The following IARS2 variants were observed in gnomAD, a reference collection of about 807,000 sequenced individuals.
IARS2 encodes isoleucyl-tRNA synthetase 2, mitochondrial, also known as isoleucine--tRNA ligase, mitochondrial.
A neutral mutation model predicts 126.3 loss-of-function variants in IARS2; 56 were observed. That is an observed-to-expected ratio of 0.44 (90% confidence interval 0.36 to 0.55). IARS2 has a LOEUF of 0.55. IARS2 is among the 20% of genes least tolerant of loss of function. The pLI, the probability that IARS2 is intolerant of heterozygous loss-of-function variation, is 0.00. For synonymous variants in IARS2, 407 were observed against 441.1 expected (o/e 0.92, Z 0.97); for missense variants, 1,127 against 1,245.9 (o/e 0.90, Z 1.44).
At position 220,098,162 on chromosome 1, in the gene IARS2, C is replaced by T. The variant is rs543232408; in HGVS notation, c.390+1936C>T. Among the ~76,000 whole-genome samples, 7 of 152,342 alleles carry T rather than the reference C, an allele frequency of 4.6e-5. No homozygotes were observed. In the South Asian group the frequency reaches 1.4e-3, roughly 32 times the overall value. On this transcript the variant is annotated intron_variant, in intron 2 of 22. Coordinates refer to ENST00000366922, the MANE Select transcript of IARS2 (RefSeq NM_018060.4). ...TCGGCCTCCCAAAGTGCTGGGATTA[C>T]AGGCGTGAGCCACTGCACCCGGCCA...
intron 14 of IARS2, among the ~76,000 whole-genome samples, chr1:220,131,257 AC>A (rs2102835186): frequency 6.6e-6 from 1 of 151,716 alleles, no homozygotes; most frequent in Admixed American, 6.6e-5. Context: ...GCTCACTGCA[AC>A]CTCCGCCTCC....
intron 8 of IARS2, among the ~76,000 whole-genome samples, chr1:220,105,527 G>T (rs991893763): frequency 6.6e-6 from 1 of 152,060 alleles, no homozygotes; most frequent in Admixed American, 6.5e-5. Context: ...TAAAAATGAA[G>T]TAATTTGTAT....
At chr1:220,127,828 G>A (rs1306620221) in intron 14 of IARS2, among the ~76,000 whole-genome samples, 2 of 152,126 alleles carry the variant, frequency 1.3e-5, no homozygotes, top group Non-Finnish European at 2.9e-5. Context: ...AGTAAAATGT[G>A]CGTAATAATA....
chr1:220,095,195 C>G (rs1001958848), intron 1 of IARS2, among the ~76,000 whole-genome samples: 2 of 152,148 alleles, frequency 1.3e-5, no homozygotes, highest in African/African-American at 2.4e-5. Flanking sequence ...CGCACCACCA[C>G]GCCCGGCTAA....
At chr1:220,106,469 T>A (rs1656682865) in intron 9 of IARS2, among the ~76,000 whole-genome samples, 2 of 152,164 alleles carry the variant, frequency 1.3e-5, no homozygotes, top group Non-Finnish European at 2.9e-5. Flanking sequence ...ACTGTGTATA[T>A]AGGCATAGAT....
chr1:220,109,997 T>C (rs1656763837), intron 10 of IARS2, among the ~76,000 whole-genome samples: 2 of 152,228 alleles, frequency 1.3e-5, no homozygotes, highest in Admixed American at 1.3e-4. Context: ...CCGTGCTTTT[T>C]TTTGCCAGGA....
chr1:220,137,488 A>C (rs1306233494), intron 16 of IARS2, among the ~76,000 whole-genome samples: 2 of 151,900 alleles, frequency 1.3e-5, no homozygotes, highest in Non-Finnish European at 2.9e-5. Context: ...CTATTTTTTA[A>C]CTCCTGTAGC....
chr1:220,109,054 A>G (rs1432264114), intron 10 of IARS2, among the ~76,000 whole-genome samples: 1 of 151,688 alleles, frequency 6.6e-6, no homozygotes, highest in African/African-American at 2.4e-5. Flanking sequence ...CTTTACAGAA[A>G]CCTTATCGGA....
intron 12 of IARS2, among the ~76,000 whole-genome samples, chr1:220,120,078 C>A (rs1225443724): frequency 1.3e-5 from 2 of 149,110 alleles, no homozygotes; most frequent in Middle Eastern, 6.9e-3. Context: ...AGCTCTCTGT[C>A]ACACTTTTTT....
In IARS2 at chr1:220,134,473, T is replaced by G. The variant is rs1339479324; in HGVS notation, c.1909T>G (p.Leu637Val). 6 of 1,613,590 alleles carry G rather than the reference T, an allele frequency of 3.7e-6. No homozygotes were observed. The highest frequency in any genetic ancestry group is 5.1e-6 in the Non-Finnish European group (6 of 1,179,794). ...QLGGWFQSSL[L>V]TSVAARKRAP... ...CGGGGGTTGGTTTCAGTCATCCTTA[T>G]TAACAAGTGTGGCAGCAAGGAAGAG... The change falls in exon 15 of 23, where the codon TTA becomes GTA. Residue 637 changes from leucine (L) to valine (V), a missense_variant. Leu to Val is a conservative substitution (Grantham distance 32). Coordinates refer to ENST00000366922, the MANE Select transcript of IARS2 (RefSeq NM_018060.4).
At position 220,145,596 on chromosome 1, in the gene IARS2, C is replaced by T; in HGVS notation, c.2839C>T (p.Arg947Ter). 2.5e-6 allele frequency: 4 copies of T among 1,613,666 alleles called. No individual in the cohort carries two copies. Among genetic ancestry groups the T allele is most frequent in the Admixed American group, 1.7e-5 (1 of 59,994 alleles). ...SESTLLAQEP[R>*]EMTADVIELK... is the part of the protein sequence containing the mutation. ...GTCAACTTTACTGGCTCAGGAACCA[C>T]GAGAGATGACTGCAGATGTAATCGA... Residue 947 changes from arginine to a stop codon, truncating the protein, a stop_gained, in exon 22 of 23, where the codon CGA becomes TGA. Transcript: ENST00000366922. LOFTEE classifies it high-confidence loss of function.
rs537708398 is a variant in IARS2, at chr1:220,110,021, C to T, written c.1328-765C>T. Among the ~76,000 whole-genome samples the T allele has an allele frequency of 7.2e-5, 11 of 152,234 alleles. No homozygotes were observed. In the South Asian group the frequency reaches 1.4e-3, roughly 20 times the overall value. On this transcript the variant is annotated intron_variant, in intron 10 of 22. Coordinates refer to ENST00000366922, the MANE Select transcript of IARS2 (RefSeq NM_018060.4). ...TTTTTGCCAGGAGAATCCCAGAGCA[C>T]GCCTTTGATACCTGGAAGGTGACTA...
At position 220,094,374 on chromosome 1, in the gene IARS2, C is replaced by G. The variant is rs1456328735; in HGVS notation, c.158C>G (p.Pro53Arg). 1 of 1,613,082 alleles carries G rather than the reference C, an allele frequency of 6.2e-7. No homozygotes were observed. The highest frequency in any genetic ancestry group is 1.3e-5 in the African/African-American group (1 of 74,906). ...GTCTCCGGGGCCAGTAACCACCAGC[C>G]GAACTCGAATAGTGGCAGATACCGG... is the stretch of plus-strand genomic sequence containing the variant. The part of the protein sequence containing the change: ...RSVSGASNHQ[P>R]NSNSGRYRDT... The change falls in exon 1 of 23, where the codon CCG becomes CGG. Residue 53 changes from proline (P) to arginine (R), a missense_variant. By Grantham distance (103) the Pro-to-Arg change is moderately radical (BLOSUM62 -2). Transcript: ENST00000366922.
chr1:220,098,514 T>C (rs1231009422), intron 2 of IARS2, among the ~76,000 whole-genome samples: 1 of 152,200 alleles, frequency 6.6e-6, no homozygotes, highest in African/African-American at 2.4e-5. Flanking sequence ...GTGTGTGATA[T>C]GTTGGTATAT....
chr1:220,097,230 C>T (rs953963722), intron 2 of IARS2, among the ~76,000 whole-genome samples: 2 of 151,810 alleles, frequency 1.3e-5, no homozygotes, highest in Non-Finnish European at 2.9e-5. Context: ...CAGGAATTCA[C>T]ATAAAATTAA....
intron 12 of IARS2, among the ~76,000 whole-genome samples, chr1:220,117,184 CTTTTTTTTT>C (rs1192537887): frequency 4.1e-5 from 2 of 48,460 alleles, no homozygotes; most frequent in Admixed American, 3.0e-4. Flanking sequence ...GTCTCCTCTT[CTTTTTTTTT>C]TTTTTTTTTT....
chr1:220,142,508 T>C (rs1657509959), intron 20 of IARS2, among the ~76,000 whole-genome samples: 1 of 152,104 alleles, frequency 6.6e-6, no homozygotes, highest in African/African-American at 2.4e-5. Context: ...AAAAAAAATG[T>C]TCTGAAATAT....
intron 12 of IARS2, among the ~76,000 whole-genome samples, chr1:220,115,635 A>C (rs1013708387): frequency 6.6e-6 from 1 of 150,898 alleles, no homozygotes. Context: ...AGCCACTATC[A>C]TAATTGTGTC....
intron 13 of IARS2, among the ~76,000 whole-genome samples, 171 bp downstream of exon 13, chr1:220,125,510 T>C (rs1333625792): frequency 6.6e-6 from 1 of 152,154 alleles, no homozygotes; most frequent in East Asian, 1.9e-4. Context: ...ACTATAGAAG[T>C]GTAGTATTTA....
Sources: allele counts gnomAD v4.1 joint callset (sites outside exome capture counted in the v4.1 genomes callset), GRCh38; gene constraint gnomAD v4.1.1; transcripts MANE v1.5; gene names NCBI Gene and HGNC (gene_info 2026-07-23, HGNC 2026-07-21).